The following CACNA2D3 variants were observed in gnomAD, a reference collection of about 807,000 sequenced individuals.
CACNA2D3 encodes voltage-dependent calcium channel subunit alpha-2/delta-3.
In CACNA2D3, 60 loss-of-function variants were observed where a neutral mutation model predicts 160.6. The ratio of observed to expected loss-of-function variants is 0.37; its 90% CI spans 0.30 to 0.46. CACNA2D3 has a LOEUF of 0.46. Among genes scored for constraint, CACNA2D3 ranks in the 20% least tolerant of loss-of-function variants. The pLI, the probability that CACNA2D3 is intolerant of heterozygous loss-of-function variation, is 1.00. For missense variants in CACNA2D3, 1,205 were observed against 1,365.0 expected (o/e 0.88, Z 1.85); for synonymous variants, 558 against 492.9 (o/e 1.13, Z -1.75).
At chr3:54,350,987 T>TTTTTTTG (rs1698550184) in intron 3 of CACNA2D3, among the ~76,000 whole-genome samples, 1 of 28,784 alleles carries the variant, frequency 3.5e-5, no homozygotes, top group Non-Finnish European at 6.7e-5. Flanking sequence ...TTTTTGTTTG[T>TTTTTTTG]TTTTTTTTTT....
In CACNA2D3 at chr3:55,049,258, C is replaced by T. The variant is rs1016267995; in HGVS notation, c.2988-24187C>T. Among the ~76,000 whole-genome samples the T allele has an allele frequency of 6.7e-5, 10 of 148,576 alleles. 1 individual carries two copies. In the Middle Eastern group the frequency reaches 0.01, roughly 152 times the overall value. On this transcript the variant is annotated intron_variant, in intron 35 of 37. Transcript: ENST00000474759. ...GGCATTTAGTGCTATAAATTTCCCT[C>T]TACACACTGCTTTGAATGCGTCCCA...
intron 4 of CACNA2D3, among the ~76,000 whole-genome samples, chr3:54,472,034 C>G (rs904533803): frequency 6.6e-6 from 1 of 152,146 alleles, no homozygotes; most frequent in African/African-American, 2.4e-5. Flanking sequence ...GGACTCCTCC[C>G]TAACATATTT....
In CACNA2D3 at chr3:54,763,761, ATATATATGTATATATG is replaced by A; in HGVS notation, c.1247-454_1247-439del. On this transcript the variant is annotated intron_variant, in intron 12 of 37. Transcript: ENST00000474759. ...TGTATATATGTGCATATATATACAC[ATATATATGTATATATG>A]TACATATATATGTATATATATGTAC... Among the ~76,000 whole-genome samples the A allele has an allele frequency of 2.4e-3, 40 of 16,484 alleles. 13 individuals carry two copies. The allele number at this position is 16,484 out of a possible 152,430, so 10.8% of individuals were successfully genotyped here.
chr3:54,940,439 T>A (rs1365580190), intron 27 of CACNA2D3, among the ~76,000 whole-genome samples: 1 of 152,234 alleles, frequency 6.6e-6, no homozygotes, highest in Non-Finnish European at 1.5e-5. Context: ...TGTTCCTCAC[T>A]GATATTTTAT....
intron 31 of CACNA2D3, among the ~76,000 whole-genome samples, chr3:54,995,831 A>T (rs780231667): frequency 2.0e-5 from 3 of 152,146 alleles, no homozygotes; most frequent in Non-Finnish European, 4.4e-5. Flanking sequence ...GTTTGCTTCA[A>T]ACTATATGAG....
chr3:54,540,477 T>C (rs903735337), intron 5 of CACNA2D3, among the ~76,000 whole-genome samples: 1 of 152,232 alleles, frequency 6.6e-6, no homozygotes, highest in African/African-American at 2.4e-5. Context: ...ATCATTTTCA[T>C]CTGCTAATGT....
intron 6 of CACNA2D3, among the ~76,000 whole-genome samples, chr3:54,564,368 T>C (rs752726883): frequency 1.3e-4 from 20 of 152,368 alleles, no homozygotes; most frequent in Admixed American, 6.5e-4. Context: ...CCATGCTTAC[T>C]GTTCTTTTAG....
intron 3 of CACNA2D3, among the ~76,000 whole-genome samples, chr3:54,385,055 T>C (rs1274435167): frequency 2.0e-5 from 3 of 152,034 alleles, no homozygotes; most frequent in Non-Finnish European, 4.4e-5. Context: ...TAAATAAGAG[T>C]TGAGAAACCT....
intron 2 of CACNA2D3, among the ~76,000 whole-genome samples, chr3:54,148,924 C>G (rs1430535836): frequency 6.9e-6 from 1 of 145,268 alleles, no homozygotes; most frequent in African/African-American, 2.6e-5. Context: ...TTGCAGTGAG[C>G]TAAGATCGTG....
At chr3:54,324,414 A>C (rs1213415375) in intron 3 of CACNA2D3, among the ~76,000 whole-genome samples, 7 of 152,208 alleles carry the variant, frequency 4.6e-5, no homozygotes, top group Non-Finnish European at 8.8e-5. Flanking sequence ...TCTCATTGGT[A>C]ATGGACTATA....
intron 2 of CACNA2D3, among the ~76,000 whole-genome samples, chr3:54,141,650 T>C (rs1285754670): frequency 6.6e-6 from 1 of 152,230 alleles, no homozygotes; most frequent in South Asian, 2.1e-4. Context: ...ACTATGCTTC[T>C]TGTGTAGCAG....
chr3:54,566,527 T>C (rs540930815), intron 6 of CACNA2D3, among the ~76,000 whole-genome samples: 4 of 152,340 alleles, frequency 2.6e-5, no homozygotes, highest in South Asian at 4.1e-4. Context: ...AATTCTTAGC[T>C]TTATTTAAAA....
At chr3:54,904,581 A>G (rs1700412521) in intron 27 of CACNA2D3, among the ~76,000 whole-genome samples, 1 of 152,226 alleles carries the variant, frequency 6.6e-6, no homozygotes, top group African/African-American at 2.4e-5. Flanking sequence ...ACCAAAATCT[A>G]AAATTGCTCC....
chr3:54,756,573 A>G (rs539134737), intron 12 of CACNA2D3, among the ~76,000 whole-genome samples: 86 of 152,166 alleles, frequency 5.7e-4, no homozygotes, highest in Non-Finnish European at 1.0e-3. Context: ...CAGTGAAATG[A>G]AGCATTAGCA....
chr3:54,918,332 CTTTT>C (rs533596688), intron 27 of CACNA2D3: 39,595 of 227,830 alleles, frequency 0.17, 1,042 homozygotes, highest in East Asian at 0.24. Context: ...TTTTTTTTTT[CTTTT>C]TTTTTTTTTT....
chr3:54,591,123 C>A (rs1257785058), intron 9 of CACNA2D3, among the ~76,000 whole-genome samples: 1 of 152,168 alleles, frequency 6.6e-6, no homozygotes, highest in Non-Finnish European at 1.5e-5. Flanking sequence ...TCATTTAGGA[C>A]TTACTTAATG....
chr3:54,899,192 C>G (rs1700270180), intron 26 of CACNA2D3, among the ~76,000 whole-genome samples: 1 of 152,172 alleles, frequency 6.6e-6, no homozygotes, highest in Admixed American at 6.5e-5. Context: ...GGAACCATTG[C>G]TGGTAATTGA....
chr3:54,626,084 G>C (rs1003785824), intron 9 of CACNA2D3: 2 of 572,554 alleles, frequency 3.5e-6, no homozygotes, highest in African/African-American at 3.7e-5. Flanking sequence ...CCCCCTGCCA[G>C]TTTCCCCAGC....
chr3:54,764,503 C>G, intron 13 of CACNA2D3, 152 bp downstream of exon 13: 2 of 887,790 alleles, frequency 2.3e-6, no homozygotes, highest in Non-Finnish European at 3.3e-6. Context: ...CCTTGACAAG[C>G]AAAGTTGGTG....
Sources: gnomAD v4.1 joint callset for allele counts (sites outside exome capture counted in the v4.1 genomes callset) on GRCh38, gnomAD v4.1.1 for gene constraint, MANE v1.5 for transcripts, NCBI Gene and HGNC (gene_info 2026-07-23, HGNC 2026-07-21) for gene names.